SCD5: variants seen among roughly 807,000 people sequenced by gnomAD.
SCD5 encodes the protein stearoyl-CoA desaturase 5.
In SCD5, 20 loss-of-function variants were observed where a neutral mutation model predicts 30.4. The observed-to-expected ratio is 0.66, with a 90% CI of 0.46 to 0.96. The LOEUF (loss-of-function observed/expected upper bound fraction) is 0.96, where lower values mean the gene tolerates loss of function less well. SCD5 is among the 40% of genes least tolerant of loss of function. The pLI is 0.00. For synonymous variants in SCD5, 173 were observed against 176.4 expected (o/e 0.98, Z 0.16); for missense variants, 381 against 443.3 (o/e 0.86, Z 1.26).
chr4:82,645,124 G>C (rs1322254635), intron 3 of SCD5, among the ~76,000 whole-genome samples: 1 of 152,142 alleles, frequency 6.6e-6, no homozygotes, highest in Admixed American at 6.5e-5. Context: ...GAGCAGCCTG[G>C]CCAACATGGT....
At chr4:82,686,180 A>G (rs1413921201) in intron 2 of SCD5, among the ~76,000 whole-genome samples, 4 of 151,782 alleles carry the variant, frequency 2.6e-5, no homozygotes. Flanking sequence ...TAATTTTTTT[A>G]TTATTTGTAG....
intron 3 of SCD5, among the ~76,000 whole-genome samples, chr4:82,640,375 C>T (rs1727517574): frequency 6.6e-6 from 1 of 152,168 alleles, no homozygotes; most frequent in African/African-American, 2.4e-5. Context: ...TTGCCTCTTC[C>T]TCAAAAAAGA....
intron 1 of SCD5, among the ~76,000 whole-genome samples, chr4:82,785,891 A>T (rs550626067): frequency 1.3e-5 from 2 of 152,314 alleles, no homozygotes; most frequent in African/African-American, 4.8e-5. Flanking sequence ...GTTTCTGGGG[A>T]CACTCAAGTG....
intron 1 of SCD5, among the ~76,000 whole-genome samples, chr4:82,711,992 A>G (rs909432270): frequency 6.6e-6 from 1 of 151,574 alleles, no homozygotes; most frequent in Non-Finnish European, 1.5e-5. Context: ...CTATAATAAT[A>G]AGAGCTACCA....
At chr4:82,721,754 C>A (rs1720374496) in intron 1 of SCD5, among the ~76,000 whole-genome samples, 1 of 152,266 alleles carries the variant, frequency 6.6e-6, no homozygotes, top group Non-Finnish European at 1.5e-5. Flanking sequence ...GCCTCTGGAA[C>A]TGTGTGACAA....
chr4:82,686,806 A>C (rs1728716505), intron 2 of SCD5, among the ~76,000 whole-genome samples: 1 of 37,612 alleles, frequency 2.7e-5, no homozygotes, highest in South Asian at 1.3e-3. Context: ...TGTTGTATTA[A>C]AAACTAATTA....
At position 82,671,964 on chromosome 4, in the gene SCD5, A is replaced by G. The variant is rs926132823; in HGVS notation, c.569+8743T>C. On this transcript the variant is annotated intron_variant, in intron 3 of 4. Transcript: ENST00000319540. Reference sequence around the variant, plus strand: ...CATACTTCTAAATAACACATGGGCCAAGAAAAAAATCTCAAGAGACATTTA... The same window carrying G: ...CATACTTCTAAATAACACATGGGCCGAGAAAAAAATCTCAAGAGACATTTA... Among the ~76,000 whole-genome samples the G allele has an allele frequency of 2.0e-5, 3 of 152,204 alleles. No individual in the cohort carries two copies. The South Asian group carries it at 6.2e-4, about 31-fold the overall frequency.
At chr4:82,727,497 C>A (rs1046833623) in intron 1 of SCD5, among the ~76,000 whole-genome samples, 3 of 152,174 alleles carry the variant, frequency 2.0e-5, no homozygotes, top group Non-Finnish European at 2.9e-5. Context: ...CGTGAAGATT[C>A]TTCCTTTTGT....
chr4:82,798,738 C>T lies in SCD5; in HGVS notation c.-201G>A. The T allele has an allele frequency of 1.8e-6, 1 of 554,012 alleles. No homozygotes were observed. The highest frequency in any genetic ancestry group is 3.1e-6 in the Non-Finnish European group (1 of 320,410). 34.3% of individuals were successfully genotyped at this position (554,012 alleles called of 1,614,324 possible). ...GGCCTAGGGATGCAGATCTTGGCGG[C>T]CGGCGTCTGTTGCTGGCGTATCCCC... On this transcript the variant is annotated 5_prime_UTR_variant, in exon 1 of 5. Coordinates refer to ENST00000319540, the MANE Select transcript of SCD5 (RefSeq NM_001037582.3).
intron 1 of SCD5, among the ~76,000 whole-genome samples, chr4:82,766,329 T>G (rs1721484054): frequency 6.6e-6 from 1 of 152,248 alleles, no homozygotes; most frequent in Non-Finnish European, 1.5e-5. Context: ...TTCTATTGCT[T>G]TGTTTTCAAA....
intron 1 of SCD5, among the ~76,000 whole-genome samples, chr4:82,778,820 G>C (rs770670590): frequency 3.3e-5 from 5 of 152,112 alleles, no homozygotes; most frequent in Non-Finnish European, 5.9e-5. Flanking sequence ...TTACAGAGCA[G>C]AAGGTAATTA....
intron 3 of SCD5, among the ~76,000 whole-genome samples, chr4:82,661,843 T>C (rs757831772): frequency 9.9e-5 from 15 of 152,160 alleles, no homozygotes; most frequent in Admixed American, 1.3e-4. Flanking sequence ...ACATGAGAAA[T>C]ACGCAACACA....
In SCD5 at chr4:82,767,808, C is replaced by G. The variant is rs567031764; in HGVS notation, c.232+30498G>C. ...AAGATACATGGAAAGGAATGCCACACTAAAAACCCACATCACAAGATAATA... is the reference window on the plus strand; with the variant it reads ...AAGATACATGGAAAGGAATGCCACAGTAAAAACCCACATCACAAGATAATA... On this transcript the variant is annotated intron_variant, in intron 1 of 4. Coordinates refer to ENST00000319540, the MANE Select transcript of SCD5 (RefSeq NM_001037582.3). Among the ~76,000 whole-genome samples, 6 of 152,264 alleles carry G rather than the reference C, an allele frequency of 3.9e-5. No individual in the cohort carries two copies. The South Asian group carries it at 1.2e-3, about 32-fold the overall frequency.
At chr4:82,721,664 GC>G (rs1253174303) in intron 1 of SCD5, among the ~76,000 whole-genome samples, 14 of 152,312 alleles carry the variant, frequency 9.2e-5, no homozygotes, top group African/African-American at 3.4e-4. Context: ...CCATCTATAA[GC>G]GAAGGAGAGA....
chr4:82,724,534 C>T (rs1720432848), intron 1 of SCD5, among the ~76,000 whole-genome samples: 2 of 152,184 alleles, frequency 1.3e-5, no homozygotes, highest in Non-Finnish European at 2.9e-5. Context: ...TACATGCATA[C>T]CTCCTCTTCC....
At chr4:82,712,387 G>A (rs1174551813) in intron 1 of SCD5, among the ~76,000 whole-genome samples, 3 of 143,940 alleles carry the variant, frequency 2.1e-5, no homozygotes, top group Non-Finnish European at 3.0e-5. Flanking sequence ...GCGTGATCTC[G>A]GCTTATTGCA....
chr4:82,794,852 C>T lies in SCD5; in HGVS notation c.232+3454G>A, dbSNP rs762963487. Among the ~76,000 whole-genome samples the T allele has an allele frequency of 3.3e-5, 5 of 151,990 alleles. No individual in the cohort carries two copies. The East Asian group carries it at 5.8e-4, about 18-fold the overall frequency. On this transcript the variant is annotated intron_variant, in intron 1 of 4. Transcript: ENST00000319540. ...TTTTTTAGTAGAGATGGGGTTTCAC[C>T]GTGTTAGCGAGGATGGTCTCGATCT... is the stretch of plus-strand genomic sequence containing the variant.
chr4:82,720,365 C>A (rs1720340278), intron 1 of SCD5, among the ~76,000 whole-genome samples: 1 of 139,056 alleles, frequency 7.2e-6, no homozygotes, highest in Non-Finnish European at 1.5e-5. Context: ...CCCAGGAGGT[C>A]GAGGCTGCAG....
chr4:82,659,123 G>C (rs188171470), intron 3 of SCD5, among the ~76,000 whole-genome samples: 3,598 of 152,262 alleles, frequency 0.024, 67 homozygotes, highest in South Asian at 0.091. Flanking sequence ...TATTTGTGTA[G>C]AGGTGTTTAT....
Sources: allele counts gnomAD v4.1 joint callset (sites outside exome capture counted in the v4.1 genomes callset), GRCh38; gene constraint gnomAD v4.1.1; transcripts MANE v1.5; gene names NCBI Gene and HGNC (gene_info 2026-07-23, HGNC 2026-07-21).